ADAMTS3: variants seen among roughly 807,000 people sequenced by gnomAD.
The protein encoded by ADAMTS3 is A disintegrin and metalloproteinase with thrombospondin motifs 3.
ADAMTS3 carries 73 observed loss-of-function variants against 129.0 expected under a neutral mutation model. The ratio of observed to expected loss-of-function variants is 0.57; its 90% confidence interval spans 0.47 to 0.69. The LOEUF is 0.69. Ranked by LOEUF, ADAMTS3 falls within the 30% of genes least tolerant of loss-of-function variation. The pLI is 0.00. For missense variants in ADAMTS3, 1,457 were observed against 1,514.5 expected, an observed-to-expected ratio of 0.96 and a Z score of 0.63; for synonymous variants, 477 against 510.8, an observed-to-expected ratio of 0.93 and a Z score of 0.89.
At chr4:72,479,323 A>G (rs1719351954) in intron 3 of ADAMTS3, among the ~76,000 whole-genome samples, 1 of 152,224 alleles carries the variant, frequency 6.6e-6, no homozygotes, top group Non-Finnish European at 1.5e-5. Flanking sequence ...CCAAAACAGC[A>G]TGGTACTGGT....
In ADAMTS3 at chr4:72,488,618, T is replaced by G. The variant is rs1719651712; in HGVS notation, c.504+59860A>C. Among the ~76,000 whole-genome samples the G allele has an allele frequency of 1.3e-5, 2 of 151,936 alleles. 1 individual carries two copies. Among genetic ancestry groups the G allele is most frequent in the South Asian group, 4.1e-4 (2 of 4,834 alleles). ...CACATTTTAGGCAGGGTAATCTTTT[T>G]CAAGATAGATTACTTTATTCAAGAT... On this transcript the variant is annotated intron_variant, in intron 3 of 21. Coordinates refer to ENST00000286657, the MANE Select transcript of ADAMTS3 (RefSeq NM_014243.3).
chr4:72,538,853 A>G (rs941846465), intron 3 of ADAMTS3, among the ~76,000 whole-genome samples: 11 of 152,178 alleles, frequency 7.2e-5, no homozygotes, highest in African/African-American at 2.4e-4. Context: ...GTCCAGAAAT[A>G]AATTGTTGCA....
chr4:72,375,863 TA>T (rs1163893067), intron 4 of ADAMTS3, among the ~76,000 whole-genome samples: 1 of 152,040 alleles, frequency 6.6e-6, no homozygotes, highest in Non-Finnish European at 1.5e-5. Flanking sequence ...CTTATATATT[TA>T]AAAAAGAAAC....
intron 4 of ADAMTS3, among the ~76,000 whole-genome samples, chr4:72,392,953 T>A (rs2109895751): frequency 6.8e-6 from 1 of 146,670 alleles, no homozygotes; most frequent in Non-Finnish European, 1.5e-5. Context: ...TGAGATGGAG[T>A]CTCACCCTGT....
At chr4:72,320,389 G>A (rs1309917020) in intron 7 of ADAMTS3, among the ~76,000 whole-genome samples, 1 of 152,138 alleles carries the variant, frequency 6.6e-6, no homozygotes, top group Non-Finnish European at 1.5e-5. Flanking sequence ...AAAGCTCTTT[G>A]GCAGCAGTCA....
chr4:72,297,249 A>T (rs775260495), intron 18 of ADAMTS3, among the ~76,000 whole-genome samples: 33 of 152,106 alleles, frequency 2.2e-4, no homozygotes, highest in Non-Finnish European at 4.4e-4. Context: ...GAAGGAATAG[A>T]TGTGGTAGAT....
rs1035279780 is a variant in ADAMTS3 at position 72,397,059 on chromosome 4, C to G, written c.661+17756G>C. 1.8e-4 allele frequency among the ~76,000 whole-genome samples: 28 copies of G among 152,014 alleles called. 2 individuals carry two copies. The highest frequency in any genetic ancestry group is 3.8e-4 in the Non-Finnish European group (26 of 68,008). On this transcript the variant is annotated intron_variant, in intron 4 of 21. Transcript: ENST00000286657. ...ATCACCTCTCACCTGGATTAGTACT[C>G]CAGGGAAAAACACTCCAAGCTCTTT...
chr4:72,519,270 A>G (rs1205179940), intron 3 of ADAMTS3, among the ~76,000 whole-genome samples: 1 of 151,962 alleles, frequency 6.6e-6, no homozygotes, highest in Non-Finnish European at 1.5e-5. Context: ...TGCCCTTAAC[A>G]TTTTTTCCTT....
chr4:72,319,242 G>A, intron 9 of ADAMTS3, 90 bp downstream of exon 9: 1 of 1,468,198 alleles, frequency 6.8e-7, no homozygotes. Flanking sequence ...TCATTTACTG[G>A]GAATTTTGCT....
At chr4:72,565,039 C>A (rs968983037) in intron 2 of ADAMTS3, among the ~76,000 whole-genome samples, 2 of 152,180 alleles carry the variant, frequency 1.3e-5, no homozygotes, top group Admixed American at 6.5e-5. Flanking sequence ...CTGCTGACTG[C>A]TGACTGCACA....
chr4:72,544,809 A>C (rs1167010146), intron 3 of ADAMTS3, among the ~76,000 whole-genome samples: 3 of 152,238 alleles, frequency 2.0e-5, no homozygotes, highest in Admixed American at 2.0e-4. Context: ...CAATAGAAAG[A>C]AAAAGTACTT....
At chr4:72,344,534 A>G (rs1720227554) in intron 4 of ADAMTS3, among the ~76,000 whole-genome samples, 1 of 152,176 alleles carries the variant, frequency 6.6e-6, no homozygotes, top group Admixed American at 6.6e-5. Flanking sequence ...AAATAATAAT[A>G]AACCCAGCAA....
chr4:72,427,275 C>T (rs554937972), intron 3 of ADAMTS3, among the ~76,000 whole-genome samples: 2 of 152,120 alleles, frequency 1.3e-5, no homozygotes, highest in Non-Finnish European at 2.9e-5. Flanking sequence ...TCTAATGTAA[C>T]TGCAGAGAGC....
At chr4:72,512,857 G>T (rs1720352862) in intron 3 of ADAMTS3, among the ~76,000 whole-genome samples, 1 of 152,016 alleles carries the variant, frequency 6.6e-6, no homozygotes, top group Non-Finnish European at 1.5e-5. Flanking sequence ...ACTTCTTTTT[G>T]TCTCTTCTGG....
chr4:72,349,873 A>T (rs1189928295), intron 4 of ADAMTS3, among the ~76,000 whole-genome samples: 1 of 152,030 alleles, frequency 6.6e-6, no homozygotes, highest in African/African-American at 2.4e-5. Context: ...ATTTTTAAAA[A>T]TCTAAAGTGC....
At chr4:72,323,332 A>G (rs1002550607) in intron 5 of ADAMTS3, 65 of 494,024 alleles carry the variant, frequency 1.3e-4, no homozygotes, top group African/African-American at 1.1e-3. Context: ...GGACATGCTC[A>G]AAAGGGCTTT....
At chr4:72,426,682 T>C (rs1481666) in intron 3 of ADAMTS3, among the ~76,000 whole-genome samples, 101,537 of 151,968 alleles carry the variant, frequency 0.67, 34,109 homozygotes, top group South Asian at 0.79. Flanking sequence ...AGCCAGGAGT[T>C]TGAGACCAGC....
chr4:72,372,843 G>A (rs1401168495), intron 4 of ADAMTS3, among the ~76,000 whole-genome samples: 1 of 152,064 alleles, frequency 6.6e-6, no homozygotes, highest in Non-Finnish European at 1.5e-5. Context: ...ATAGTTTTAT[G>A]TAAACATTTC....
chr4:72,449,296 C>T (rs1234252725), intron 3 of ADAMTS3, among the ~76,000 whole-genome samples: 1 of 151,728 alleles, frequency 6.6e-6, no homozygotes, highest in African/African-American at 2.4e-5. Flanking sequence ...GGACATCTAA[C>T]AGACATCTCA....
Sources: allele counts gnomAD v4.1 joint callset (sites outside exome capture counted in the v4.1 genomes callset), GRCh38; gene constraint gnomAD v4.1.1; transcripts MANE v1.5; gene names NCBI Gene and HGNC (gene_info 2026-07-23, HGNC 2026-07-21).